CASQ2: variants seen among roughly 807,000 people sequenced by gnomAD.
CASQ2 encodes the protein calsequestrin 2.
In CASQ2, 49 loss-of-function variants were observed where a neutral mutation model predicts 46.5. That is an observed-to-expected ratio of 1.05 (90% CI 0.84 to 1.34). The LOEUF is 1.34. Ranked by LOEUF, CASQ2 falls within the 40% of genes most tolerant of loss-of-function variation. CASQ2 has a pLI of 0.00. For missense variants in CASQ2, 486 were observed against 481.3 expected, an observed-to-expected ratio of 1.01 and a Z score of -0.09; for synonymous variants, 174 against 168.5, an observed-to-expected ratio of 1.03 and a Z score of -0.25.
chr1:115,767,763 C>G (rs1649179747), intron 1 of CASQ2, among the ~76,000 whole-genome samples: 1 of 152,138 alleles, frequency 6.6e-6, no homozygotes. Context: ...AATGAATATG[C>G]TGCTCAGAAG....
At chr1:115,724,371 T>C (rs1206262777) in intron 7 of CASQ2, among the ~76,000 whole-genome samples, 2 of 152,024 alleles carry the variant, frequency 1.3e-5, no homozygotes, top group Non-Finnish European at 2.9e-5. Context: ...GGCATTATCA[T>C]GTCTCACTGA....
chr1:115,705,609 C>T lies in CASQ2; in HGVS notation c.839-317G>A, dbSNP rs1331927108. 2.0e-5 allele frequency among the ~76,000 whole-genome samples: 3 copies of T among 152,202 alleles called. 1 individual carries two copies. The highest frequency in any genetic ancestry group is 2.0e-4 in the Admixed American group (3 of 15,282). Reference sequence around the variant, plus strand: ...CAGTCACGGAACAGAGAAATTCCTGCCTGTCCTTACTGATCCTGTGCGATC... The same window carrying T: ...CAGTCACGGAACAGAGAAATTCCTGTCTGTCCTTACTGATCCTGTGCGATC... On this transcript the variant is annotated intron_variant, in intron 8 of 10. Transcript: ENST00000261448.
intron 1 of CASQ2, among the ~76,000 whole-genome samples, chr1:115,746,267 T>C (rs1648387719): frequency 6.6e-6 from 1 of 152,188 alleles, no homozygotes; most frequent in Non-Finnish European, 1.5e-5. Flanking sequence ...GATTGGCTAG[T>C]ATGAATACAG....
intron 8 of CASQ2, among the ~76,000 whole-genome samples, chr1:115,717,321 C>T (rs1654731329): frequency 6.6e-6 from 1 of 152,210 alleles, no homozygotes; most frequent in Non-Finnish European, 1.5e-5. Flanking sequence ...AATAAAACTA[C>T]TGACATCAGC....
intron 8 of CASQ2, among the ~76,000 whole-genome samples, chr1:115,708,675 A>G (rs3923975): frequency 0.2 from 30,013 of 152,204 alleles, 3,060 homozygotes; most frequent in South Asian, 0.27. Context: ...AGGTTTAGCC[A>G]TTATTTTACT....
At chr1:115,714,403 C>T (rs1212852160) in intron 8 of CASQ2, among the ~76,000 whole-genome samples, 1 of 152,184 alleles carries the variant, frequency 6.6e-6, no homozygotes, top group Admixed American at 6.5e-5. Flanking sequence ...GAATAATAAT[C>T]ATCATGCACG....
intron 1 of CASQ2, among the ~76,000 whole-genome samples, chr1:115,767,662 A>G (rs576700070): frequency 6.6e-6 from 1 of 152,316 alleles, no homozygotes. Context: ...GGTTACAAAC[A>G]GGCAGGCCAT....
At chr1:115,754,568 G>A (rs1211581030) in intron 1 of CASQ2, among the ~76,000 whole-genome samples, 3 of 152,142 alleles carry the variant, frequency 2.0e-5, no homozygotes, top group East Asian at 1.9e-4. Context: ...AGGAAATAGA[G>A]GCACAGAGTG....
rs150149204 is a variant in CASQ2 at position 115,758,850 on chromosome 1, C to T, written c.234+9458G>A. On this transcript the variant is annotated intron_variant, in intron 1 of 10. Coordinates refer to ENST00000261448, the MANE Select transcript of CASQ2 (RefSeq NM_001232.4). ...ATACCCAATCTTCAACTTTTTCAGA[C>T]ATCAGAATTGTGAGCCAAATAAACC... Among the ~76,000 whole-genome samples the T allele has an allele frequency of 4.1e-3, 624 of 152,346 alleles. 3 individuals are homozygous for T. Among genetic ancestry groups the T allele is most frequent in the Middle Eastern group, 0.014 (4 of 294 alleles).
intron 3 of CASQ2, among the ~76,000 whole-genome samples, chr1:115,739,362 A>G (rs561051052): frequency 1.2e-4 from 18 of 151,598 alleles, no homozygotes; most frequent in Middle Eastern, 3.4e-3. Flanking sequence ...TGATCAGCCC[A>G]CCTTGGCCTC....
At chr1:115,709,030 T>C (rs2101059790) in intron 8 of CASQ2, among the ~76,000 whole-genome samples, 1 of 152,356 alleles carries the variant, frequency 6.6e-6, no homozygotes, top group East Asian at 1.9e-4. Flanking sequence ...TGTGTGGATA[T>C]TCCTGATCAA....
chr1:115,734,070 A>G (rs1191409691), intron 4 of CASQ2, among the ~76,000 whole-genome samples: 1 of 152,222 alleles, frequency 6.6e-6, no homozygotes, highest in Non-Finnish European at 1.5e-5. Flanking sequence ...GAGGGGTTGG[A>G]AAGTCATGAG....
At chr1:115,729,253 T>C (rs984545932) in intron 5 of CASQ2, among the ~76,000 whole-genome samples, 1 of 152,082 alleles carries the variant, frequency 6.6e-6, no homozygotes, top group Non-Finnish European at 1.5e-5. Flanking sequence ...TTTCGCCATG[T>C]TGGCCAGGCT....
At position 115,761,439 on chromosome 1, in the gene CASQ2, A is replaced by AAGAAGAAGAAGAAG. The variant is rs796782557; in HGVS notation, c.234+6868_234+6869insCTTCTTCTTCTTCT. Among the ~76,000 whole-genome samples, 3 of 5,542 alleles carry AAGAAGAAGAAGAAG rather than the reference A, an allele frequency of 5.4e-4. 1 individual carries two copies. Among genetic ancestry groups the AAGAAGAAGAAGAAG allele is most frequent in the Non-Finnish European group, 8.5e-4 (3 of 3,520 alleles). 3.6% of individuals were successfully genotyped at this position (5,542 alleles called of 152,430 possible). On this transcript the variant is annotated intron_variant, in intron 1 of 10. Transcript: ENST00000261448. The stretch of plus-strand genomic sequence containing the variant: ...GAAGAAGAAGAAGAAGAAGAAGAAG[A>AAGAAGAAGAAGAAG]AAGAAGAAGAAGAAGAAGAAGAAGG...
chr1:115,705,112 A>G, intron 9 of CASQ2, 80 bp downstream of exon 9: 1 of 943,182 alleles, frequency 1.1e-6, no homozygotes, highest in Non-Finnish European at 1.8e-6. Context: ...GCCCCTGCCT[A>G]TTTCACCTCC....
intron 1 of CASQ2, among the ~76,000 whole-genome samples, chr1:115,756,418 A>G (rs17034488): frequency 0.069 from 10,443 of 152,262 alleles, 1,213 homozygotes; most frequent in African/African-American, 0.24. Flanking sequence ...TCTAGGAGGA[A>G]CAAGTCATTT....
intron 1 of CASQ2, among the ~76,000 whole-genome samples, chr1:115,762,815 G>A (rs2101124020): frequency 6.6e-6 from 1 of 152,310 alleles, no homozygotes; most frequent in East Asian, 1.9e-4. Flanking sequence ...GTTAGGGACA[G>A]GATCTGTGTC....
At chr1:115,730,054 C>A (rs891576166) in intron 5 of CASQ2, among the ~76,000 whole-genome samples, 3 of 152,112 alleles carry the variant, frequency 2.0e-5, no homozygotes, top group Non-Finnish European at 4.4e-5. Context: ...AGAGGTTGGG[C>A]CTTCGTGTGG....
intron 1 of CASQ2, 66 bp from the exon 2 acceptor site, chr1:115,744,978 T>C: frequency 2.7e-6 from 3 of 1,125,704 alleles, no homozygotes; most frequent in Non-Finnish European, 4.1e-6. Context: ...ATTACAGGAT[T>C]ACTATCCTCA....
Sources: allele counts gnomAD v4.1 joint callset (sites outside exome capture counted in the v4.1 genomes callset), GRCh38; gene constraint gnomAD v4.1.1; transcripts MANE v1.5; gene names NCBI Gene and HGNC (gene_info 2026-07-23, HGNC 2026-07-21).